The following CACNA1A variants were observed in gnomAD, a reference collection of about 807,000 sequenced individuals.
The protein encoded by CACNA1A is voltage-dependent P/Q-type calcium channel subunit alpha-1A.
Under a neutral mutation model 262.4 loss-of-function variants are expected in CACNA1A, and 57 were observed. The ratio of observed to expected loss-of-function variants is 0.22; its 90% confidence interval spans 0.18 to 0.27. The LOEUF is 0.27. CACNA1A is among the 10% of genes least tolerant of loss of function. The pLI, the probability that CACNA1A is intolerant of heterozygous loss-of-function variation, is 1.00. For synonymous variants in CACNA1A, 1,431 were observed against 1,419.3 expected (o/e 1.01, Z -0.18); for missense variants, 2,526 against 3,562.8 (o/e 0.71, Z 7.41).
At chr19:13,288,900 C>T (rs1020709211) in intron 19 of CACNA1A, among the ~76,000 whole-genome samples, 1 of 152,132 alleles carries the variant, frequency 6.6e-6, no homozygotes, top group Non-Finnish European at 1.5e-5. Flanking sequence ...CAAAAACCCA[C>T]GGTGTTTTTA....
intron 6 of CACNA1A, among the ~76,000 whole-genome samples, chr19:13,346,666 A>ATTTTT (rs74181823): frequency 1.2e-4 from 1 of 8,278 alleles, no homozygotes; most frequent in Non-Finnish European, 2.0e-4. Context: ...ATATATATAT[A>ATTTTT]TTTTTTTTTT....
chr19:13,210,560 G>A lies in CACNA1A; in HGVS notation c.6339+57C>T, dbSNP rs1315363686. On this transcript the variant is annotated intron_variant, in intron 44 of 46. Coordinates refer to ENST00000360228, the MANE Select transcript of CACNA1A (RefSeq NM_001127222.2). ...GATGACGGGACTCCCTGGAGGGGGG[G>A]TGGGGAGGAAGAGGGGGCCGGAGCC... is the stretch of plus-strand genomic sequence containing the variant. 16 of 1,473,442 alleles carry A rather than the reference G, an allele frequency of 1.1e-5. No individual in the cohort carries two copies. The Admixed American group carries it at 1.8e-4, about 17-fold the overall frequency. 91.3% of individuals were successfully genotyped at this position (1,473,442 alleles called of 1,614,324 possible). A position where few individuals can be genotyped will look rare whatever the true frequency, so the allele number is the denominator to read the frequency against.
chr19:13,378,753 C>CT (rs1327328793), intron 3 of CACNA1A, among the ~76,000 whole-genome samples: 3 of 151,960 alleles, frequency 2.0e-5, no homozygotes, highest in Middle Eastern at 3.4e-3. Context: ...ATCTCCCCCC[C>CT]GCCTCCCAGG....
At chr19:13,287,426 G>C (rs2057429280) in intron 19 of CACNA1A, among the ~76,000 whole-genome samples, 1 of 152,180 alleles carries the variant, frequency 6.6e-6, no homozygotes, top group Admixed American at 6.5e-5. Flanking sequence ...TGCAGTGCCT[G>C]GAATTGAGAG....
chr19:13,351,335 C>A (rs961494770), intron 6 of CACNA1A, among the ~76,000 whole-genome samples: 4 of 152,022 alleles, frequency 2.6e-5, no homozygotes, highest in African/African-American at 9.7e-5. Flanking sequence ...TAAAAATGAT[C>A]ATTTATTTAC....
At chr19:13,307,942 C>A in intron 14 of CACNA1A, 88 bp from the exon 15 acceptor site, 1 of 1,416,812 alleles carries the variant, frequency 7.1e-7, no homozygotes, top group African/African-American at 1.4e-5. Flanking sequence ...AGGAAACGAA[C>A]GTCTCCATCA....
intron 30 of CACNA1A, among the ~76,000 whole-genome samples, chr19:13,246,885 C>T (rs2056250245): frequency 6.6e-6 from 1 of 151,946 alleles, no homozygotes; most frequent in African/African-American, 2.4e-5. Flanking sequence ...CTCGGCCTCC[C>T]AAAGTGCTGG....
chr19:13,501,781 A>G (rs967154374), intron 1 of CACNA1A, among the ~76,000 whole-genome samples: 3 of 152,186 alleles, frequency 2.0e-5, no homozygotes, highest in Non-Finnish European at 2.9e-5. Context: ...AATGCACACC[A>G]AGTAGAATGA....
At chr19:13,276,118 A>AGCCCCT (rs1309725900) in intron 23 of CACNA1A, among the ~76,000 whole-genome samples, 162 bp from the exon 24 acceptor site, 1 of 152,040 alleles carries the variant, frequency 6.6e-6, no homozygotes, top group Non-Finnish European at 1.5e-5. Context: ...AGGAGTGGGG[A>AGCCCCT]GCCCCTGCCC....
At chr19:13,442,234 T>C (rs989921455) in intron 3 of CACNA1A, among the ~76,000 whole-genome samples, 4 of 152,212 alleles carry the variant, frequency 2.6e-5, no homozygotes, top group Non-Finnish European at 5.9e-5. Flanking sequence ...AAGGGTACAC[T>C]AGTGAATGGG....
chr19:13,233,811 A>C (rs981472417), intron 34 of CACNA1A, among the ~76,000 whole-genome samples: 1 of 152,054 alleles, frequency 6.6e-6, no homozygotes, highest in Non-Finnish European at 1.5e-5. Flanking sequence ...TTATTCTTGA[A>C]TTTTATCTTT....
Position 13,279,355 on chromosome 19 carries a change from C to T in CACNA1A, c.3823-2227G>A, listed in dbSNP as rs185049134. The stretch of plus-strand genomic sequence containing the variant: ...CATTACAGGGAAATGCCAAGCACAA[C>T]CCCAATAAGATCTCACTCCACACCC... On this transcript the variant is annotated intron_variant, in intron 22 of 46. Coordinates refer to ENST00000360228, the MANE Select transcript of CACNA1A (RefSeq NM_001127222.2). Among the ~76,000 whole-genome samples the T allele has an allele frequency of 2.0e-5, 3 of 152,256 alleles. No homozygotes were observed. In the East Asian group the frequency reaches 5.8e-4, roughly 29 times the overall value.
chr19:13,505,358 A>C (rs1168239382), intron 1 of CACNA1A, among the ~76,000 whole-genome samples: 1 of 152,168 alleles, frequency 6.6e-6, no homozygotes, highest in East Asian at 1.9e-4. Context: ...CTCAGTGTGA[A>C]GGCCACATGG....
At chr19:13,338,224 A>AT (rs2145152978) in intron 6 of CACNA1A, among the ~76,000 whole-genome samples, 1 of 152,236 alleles carries the variant, frequency 6.6e-6, no homozygotes, top group Non-Finnish European at 1.5e-5. Context: ...CAAAAAAAAA[A>AT]GAATCTAAAA....
At chr19:13,399,796 C>T (rs1226271181) in intron 3 of CACNA1A, among the ~76,000 whole-genome samples, 7 of 152,088 alleles carry the variant, frequency 4.6e-5, no homozygotes, top group South Asian at 2.1e-4. Context: ...AGATAAGGGA[C>T]GAGTGAGGAG....
At position 13,357,998 on chromosome 19, in the gene CACNA1A, C is replaced by A. The variant is rs370774832; in HGVS notation, c.978+1608G>T. On this transcript the variant is annotated intron_variant, in intron 6 of 46. Coordinates refer to ENST00000360228, the MANE Select transcript of CACNA1A (RefSeq NM_001127222.2). Reference sequence around the variant, plus strand: ...CTCCAGCCTGGACGACAGAGGGAGACCTTGTCTCCAAAAAAACAAAACAAA... The same window carrying A: ...CTCCAGCCTGGACGACAGAGGGAGAACTTGTCTCCAAAAAAACAAAACAAA... 5.9e-5 allele frequency among the ~76,000 whole-genome samples: 9 copies of A among 152,186 alleles called. No homozygotes were observed. In the East Asian group the frequency reaches 1.4e-3, roughly 23 times the overall value.
intron 3 of CACNA1A, among the ~76,000 whole-genome samples, chr19:13,403,135 A>G (rs2059939578): frequency 1.3e-5 from 2 of 151,620 alleles, no homozygotes; most frequent in South Asian, 2.1e-4. Context: ...CCACCTGCGA[A>G]CACACCATCG....
chr19:13,377,793 T>C (rs927455416), intron 3 of CACNA1A, among the ~76,000 whole-genome samples: 5 of 152,110 alleles, frequency 3.3e-5, no homozygotes, highest in African/African-American at 9.7e-5. Flanking sequence ...GCAAAGGAAA[T>C]TGAAAACTTT....
chr19:13,454,117 A>T (rs1204173402), intron 2 of CACNA1A, among the ~76,000 whole-genome samples: 6 of 151,552 alleles, frequency 4.0e-5, no homozygotes, highest in Non-Finnish European at 7.4e-5. Flanking sequence ...GGTCACCGGG[A>T]AAACCAAGGC....
Sources: allele counts gnomAD v4.1 joint callset (sites outside exome capture counted in the v4.1 genomes callset), GRCh38; gene constraint gnomAD v4.1.1; transcripts MANE v1.5; gene names NCBI Gene and HGNC (gene_info 2026-07-23, HGNC 2026-07-21).